The following COQ8A variants were observed in gnomAD, a reference collection of about 807,000 sequenced individuals.
COQ8A encodes the protein atypical kinase COQ8A, mitochondrial.
A neutral mutation model predicts 65.0 loss-of-function variants in COQ8A; 51 were observed. The ratio of observed to expected loss-of-function variants is 0.78; its 90% CI spans 0.63 to 0.99. COQ8A has a LOEUF of 0.99. COQ8A is among the 50% of genes least tolerant of loss of function. The probability of loss-of-function intolerance (pLI) is 0.00; values close to 1 mark genes in which losing one functional copy is unlikely to be tolerated. For missense variants in COQ8A, 940 were observed against 875.0 expected (o/e 1.07, Z -0.94); for synonymous variants, 371 against 353.2 (o/e 1.05, Z -0.57).
chr1:226,981,586 G>T (rs903971145), intron 5 of COQ8A, among the ~76,000 whole-genome samples: 2 of 152,232 alleles, frequency 1.3e-5, no homozygotes, highest in African/African-American at 4.8e-5. Context: ...CACAGGTGCA[G>T]CGGGCCTTTG....
intron 14 of COQ8A, 78 bp from the exon 15 acceptor site, chr1:226,986,375 C>G (rs575893460): frequency 1.3e-6 from 2 of 1,517,502 alleles, no homozygotes; most frequent in Non-Finnish European, 9.0e-7. Flanking sequence ...CTCAGCGCCC[C>G]GGGCACTGTG....
chr1:226,954,542 G>A (rs774852453), intron 1 of COQ8A, among the ~76,000 whole-genome samples: 4 of 152,204 alleles, frequency 2.6e-5, no homozygotes, highest in Non-Finnish European at 5.9e-5. Flanking sequence ...CTCTGGACTC[G>A]TCTTAAGGTG....
At chr1:226,941,448 AG>A (rs1656685078) in intron 1 of COQ8A, among the ~76,000 whole-genome samples, 1 of 152,116 alleles carries the variant, frequency 6.6e-6, no homozygotes, top group East Asian at 1.9e-4. Flanking sequence ...GAGAGACAAA[AG>A]GGGAGCTACA....
At chr1:226,984,039 G>A (rs535772887) in intron 10 of COQ8A, 55 bp from the exon 11 acceptor site, 9 of 1,521,284 alleles carry the variant, frequency 5.9e-6, no homozygotes, top group East Asian at 2.3e-5. Context: ...GTGTGTGGGG[G>A]GGGGGACGGT....
chr1:226,975,431 C>T (rs910267471), intron 4 of COQ8A, among the ~76,000 whole-genome samples: 1 of 152,194 alleles, frequency 6.6e-6, no homozygotes, highest in Admixed American at 6.5e-5. Flanking sequence ...GAGTATAAAA[C>T]ACACATGGTG....
Position 226,965,270 on chromosome 1 carries a change from A to C in COQ8A, c.448A>C (p.Arg150=). ...CAACGGGAGGCTCTTTGCAAACCCC[A>C]GAGACTCATTCTCTGCCATGGGCTT... is the stretch of plus-strand genomic sequence containing the variant. The part of the protein sequence containing the change: ...RANGRLFANP[R]DSFSAMGFQR... The change falls in exon 3 of 15, where the codon AGA becomes CGA. Residue 150 remains arginine, a synonymous_variant. Transcript: ENST00000366777. The C allele has an allele frequency of 6.2e-7, 1 of 1,614,008 alleles. No individual in the cohort carries two copies. The highest frequency in any genetic ancestry group is 8.5e-7 in the Non-Finnish European group (1 of 1,180,030).
chr1:226,961,212 G>A (rs796943729), intron 1 of COQ8A, among the ~76,000 whole-genome samples, 165 bp from the exon 2 acceptor site: 3 of 152,326 alleles, frequency 2.0e-5, no homozygotes, highest in African/African-American at 7.2e-5. Flanking sequence ...GTCACGTGGA[G>A]CCTCCCTTGA....
chr1:226,983,814 T>C lies in COQ8A; in HGVS notation c.1216T>C (p.Cys406Arg), dbSNP rs760238739. ...DVLRRELALECDYQREAACAR... is the reference protein window; with the variant it reads ...DVLRRELALERDYQREAACAR... Reference sequence around the variant, plus strand: ...GCTGAGGCGGGAGCTGGCCCTGGAGTGTGACTACCAGCGAGAGGCCGCCTG... The same window carrying C: ...GCTGAGGCGGGAGCTGGCCCTGGAGCGTGACTACCAGCGAGAGGCCGCCTG... The change falls in exon 10 of 15, where the codon TGT becomes CGT. Residue 406 changes from cysteine to arginine, a missense_variant. By Grantham distance (180) the Cys-to-Arg change is radical. Transcript: ENST00000366777. 4 of 1,611,916 alleles carry C rather than the reference T, an allele frequency of 2.5e-6. No individual in the cohort carries two copies. The highest frequency in any genetic ancestry group is 8.5e-7 in the Non-Finnish European group (1 of 1,179,872).
In COQ8A at chr1:226,984,088, A is replaced by G; in HGVS notation, c.1257-6A>G. The G allele has an allele frequency of 1.2e-6, 2 of 1,612,912 alleles. No homozygotes were observed. Among genetic ancestry groups the G allele is most frequent in the Non-Finnish European group, 1.7e-6 (2 of 1,179,884 alleles). Reference sequence around the variant, plus strand: ...GGCTAGGGCGTGACCTCCCTCCCCTACCCAGGGACCTGCTGAAGGGCCACC... The same window carrying G: ...GGCTAGGGCGTGACCTCCCTCCCCTGCCCAGGGACCTGCTGAAGGGCCACC... On this transcript the variant is annotated splice_region_variant and splice_polypyrimidine_tract_variant and intron_variant, in intron 10 of 14. Transcript: ENST00000366777.
chr1:226,984,227 CG>C lies in COQ8A; in HGVS notation c.1392del (p.Asn465ThrfsTer12), dbSNP rs770777377. On this transcript the variant is annotated frameshift_variant, in exon 11 of 15. Coordinates refer to ENST00000366777, the MANE Select transcript of COQ8A (RefSeq NM_020247.5). LOFTEE classifies it high-confidence loss of function. ...DQAEGLSQEI[R>X]NEICYNILVL... Reference sequence around the variant, plus strand: ...GGCCGAAGGGCTCAGCCAGGAGATTCGGAACGAGGTTTGTCTGTGCCAGCAG... The same window carrying C: ...GGCCGAAGGGCTCAGCCAGGAGATTCGAACGAGGTTTGTCTGTGCCAGCAG... 6.2e-6 allele frequency: 10 copies of C among 1,613,612 alleles called. No homozygotes were observed. The highest frequency in any genetic ancestry group is 8.5e-6 in the Non-Finnish European group (10 of 1,179,974).
rs117785541 is a variant in COQ8A, at chr1:226,965,573, T to C, written c.589-98T>C. On this transcript the variant is annotated intron_variant, in intron 3 of 14. Coordinates refer to ENST00000366777, the MANE Select transcript of COQ8A (RefSeq NM_020247.5). The stretch of plus-strand genomic sequence containing the variant: ...TGTGCTGTCAGGCGGAGCTGCTGAC[T>C]GTGGGGTGGAGAGGAGATGTGGGGG... 2.4e-3 allele frequency: 3,659 copies of C among 1,523,552 alleles called. 86 individuals are homozygous for C. In the East Asian group the frequency reaches 0.037, roughly 15 times the overall value. 94.4% of individuals were successfully genotyped at this position (1,523,552 alleles called of 1,614,324 possible). A position where few individuals can be genotyped will look rare whatever the true frequency, so the allele number is the denominator to read the frequency against.
chr1:226,942,354 T>C (rs964981991), intron 1 of COQ8A, among the ~76,000 whole-genome samples: 3 of 151,364 alleles, frequency 2.0e-5, no homozygotes, highest in Non-Finnish European at 2.9e-5. Flanking sequence ...AAGCAGAAAG[T>C]TAGGAGGTAG....
intron 14 of COQ8A, among the ~76,000 whole-genome samples, chr1:226,986,134 G>A (rs1287588091): frequency 6.6e-6 from 1 of 152,176 alleles, no homozygotes; most frequent in Non-Finnish European, 1.5e-5. Context: ...GGCCCTGCCA[G>A]CTTAGGCCCA....
intron 5 of COQ8A, among the ~76,000 whole-genome samples, 177 bp downstream of exon 5, chr1:226,977,700 C>T (rs1659326817): frequency 6.6e-6 from 1 of 152,104 alleles, no homozygotes; most frequent in African/African-American, 2.4e-5. Context: ...GATTGACCTG[C>T]TTTAGAGGGG....
chr1:226,978,434 TCACC>T (rs951132338), intron 5 of COQ8A, among the ~76,000 whole-genome samples: 3 of 70,800 alleles, frequency 4.2e-5, no homozygotes, highest in African/African-American at 1.9e-4. Flanking sequence ...CACCCACCTC[TCACC>T]CACACACCTC....
At chr1:226,968,489 T>G (rs1251716429) in intron 4 of COQ8A, among the ~76,000 whole-genome samples, 3 of 152,246 alleles carry the variant, frequency 2.0e-5, no homozygotes, top group African/African-American at 7.2e-5. Context: ...AATATATAGC[T>G]TACTGGTGGG....
At chr1:226,985,429 G>A in intron 14 of COQ8A, 89 bp downstream of exon 14, 1 of 1,493,814 alleles carries the variant, frequency 6.7e-7, no homozygotes, top group Non-Finnish European at 9.3e-7. Flanking sequence ...GGGGGCAGCT[G>A]CCCTCAAGGG....
intron 6 of COQ8A, 107 bp from the exon 7 acceptor site, chr1:226,982,571 G>A: frequency 8.3e-7 from 1 of 1,211,848 alleles, no homozygotes; most frequent in South Asian, 1.2e-5. Context: ...CCGTGCTCCT[G>A]GTGGGGAGGG....
At chr1:226,952,741 A>G (rs1558181698) in intron 1 of COQ8A, among the ~76,000 whole-genome samples, 1 of 152,092 alleles carries the variant, frequency 6.6e-6, no homozygotes, top group Non-Finnish European at 1.5e-5. Context: ...TTTATTTTCT[A>G]TTGTAAAAGT....
Sources: allele counts gnomAD v4.1 joint callset (sites outside exome capture counted in the v4.1 genomes callset), GRCh38; gene constraint gnomAD v4.1.1; transcripts MANE v1.5; gene names NCBI Gene and HGNC (gene_info 2026-07-23, HGNC 2026-07-21).